Variants in ADAM32 observed in about 807,000 individuals in gnomAD.
ADAM32 encodes the protein disintegrin and metalloproteinase domain-containing protein 32.
ADAM32 carries 89 observed loss-of-function variants against 114.9 expected under a neutral mutation model. The observed-to-expected ratio is 0.77, with a 90% CI of 0.65 to 0.92. ADAM32 has a LOEUF of 0.92. Among genes scored for constraint, ADAM32 ranks in the 40% least tolerant of loss-of-function variants. ADAM32 has a pLI of 0.00. For synonymous variants in ADAM32, 285 were observed against 307.5 expected, an observed-to-expected ratio of 0.93 and a Z score of 0.77; for missense variants, 870 against 932.8, an observed-to-expected ratio of 0.93 and a Z score of 0.88.
rs531387087 is a variant in ADAM32, at chr8:39,156,353, C to T, written c.526-4544C>T. Among the ~76,000 whole-genome samples the T allele has an allele frequency of 1.7e-4, 26 of 152,288 alleles. No homozygotes were observed. The South Asian group carries it at 3.9e-3, about 23-fold the overall frequency. On this transcript the variant is annotated intron_variant, in intron 6 of 24. Coordinates refer to ENST00000379907, the MANE Select transcript of ADAM32 (RefSeq NM_145004.7). ...AGAGACTGGGTCTTCCTTTGTTGCC[C>T]AGGCTAGTCTCAAACTCCTGGACTC...
intron 13 of ADAM32, among the ~76,000 whole-genome samples, chr8:39,222,066 A>C (rs1401104386): frequency 6.6e-6 from 1 of 152,040 alleles, no homozygotes; most frequent in Non-Finnish European, 1.5e-5. Context: ...TGTGTAATTG[A>C]AAGATATAGC....
At chr8:39,236,362 C>A (rs965475190) in intron 16 of ADAM32, among the ~76,000 whole-genome samples, 20 of 151,996 alleles carry the variant, frequency 1.3e-4, no homozygotes, top group Admixed American at 1.3e-3. Context: ...CAGGGATAGT[C>A]TTGTTAGATT....
At chr8:39,119,199 T>G (rs1840498961) in intron 2 of ADAM32, among the ~76,000 whole-genome samples, 1 of 152,222 alleles carries the variant, frequency 6.6e-6, no homozygotes, top group Admixed American at 6.5e-5. Flanking sequence ...CATTCATGTA[T>G]GGACATATAT....
At chr8:39,157,495 A>G in intron 6 of ADAM32, 1 of 379,808 alleles carries the variant, frequency 2.6e-6, no homozygotes, top group Non-Finnish European at 5.0e-6. Flanking sequence ...GTGTCAGATA[A>G]CTTTTATTGA....
At chr8:39,126,706 G>A (rs10958536) in intron 2 of ADAM32, among the ~76,000 whole-genome samples, 151,799 of 152,320 alleles carry the variant, frequency 1, 75,643 homozygotes, top group Middle Eastern at 1. Flanking sequence ...TTCCAGTACT[G>A]TATTGAATAG....
intron 13 of ADAM32, 44 bp downstream of exon 13, chr8:39,221,746 C>G (rs368887007): frequency 4.8e-6 from 7 of 1,445,582 alleles, no homozygotes; most frequent in Non-Finnish European, 6.7e-6. Flanking sequence ...TATAACAAAT[C>G]ATGTGCAGGG....
At chr8:39,228,306 A>C (rs1809525320) in intron 14 of ADAM32, among the ~76,000 whole-genome samples, 1 of 152,228 alleles carries the variant, frequency 6.6e-6, no homozygotes, top group East Asian at 1.9e-4. Context: ...CTAGTTCACG[A>C]GCAATGGATT....
intron 14 of ADAM32, among the ~76,000 whole-genome samples, chr8:39,228,234 C>T (rs1157060129): frequency 6.6e-6 from 1 of 152,126 alleles, no homozygotes; most frequent in East Asian, 1.9e-4. Context: ...TGAGAAGGAA[C>T]CAGAAAACCA....
intron 12 of ADAM32, among the ~76,000 whole-genome samples, chr8:39,217,674 A>C (rs1386069372): frequency 6.6e-6 from 1 of 152,194 alleles, no homozygotes; most frequent in Admixed American, 6.5e-5. Flanking sequence ...TCAGTAGGTC[A>C]ATTGTGTCTT....
intron 17 of ADAM32, among the ~76,000 whole-genome samples, chr8:39,253,744 G>C (rs1158400336): frequency 6.6e-6 from 1 of 151,310 alleles, no homozygotes; most frequent in Non-Finnish European, 1.5e-5. Context: ...TGAAAACTAT[G>C]AAACATGAAA....
At chr8:39,175,501 C>G (rs1805468402) in intron 10 of ADAM32, among the ~76,000 whole-genome samples, 3 of 152,104 alleles carry the variant, frequency 2.0e-5, no homozygotes, top group African/African-American at 7.2e-5. Context: ...GTGTGTTGAA[C>G]CAACCTTGCA....
At chr8:39,152,651 G>A (rs905835781) in intron 6 of ADAM32, among the ~76,000 whole-genome samples, 4 of 151,498 alleles carry the variant, frequency 2.6e-5, no homozygotes, top group African/African-American at 9.7e-5. Flanking sequence ...AACCTGGGAG[G>A]TGGAGGTTGC....
chr8:39,272,832 A>G (rs1166387254), intron 20 of ADAM32, among the ~76,000 whole-genome samples: 1 of 152,220 alleles, frequency 6.6e-6, no homozygotes, highest in Non-Finnish European at 1.5e-5. Context: ...AAATTGATAC[A>G]CTTTTTAATT....
At chr8:39,186,536 A>G (rs1806257104) in intron 10 of ADAM32, among the ~76,000 whole-genome samples, 1 of 152,194 alleles carries the variant, frequency 6.6e-6, no homozygotes, top group Admixed American at 6.5e-5. Flanking sequence ...GGGAGATTAT[A>G]CGGATTATCC....
intron 11 of ADAM32, among the ~76,000 whole-genome samples, chr8:39,208,013 G>C (rs1317524518): frequency 1.3e-5 from 2 of 152,020 alleles, no homozygotes; most frequent in African/African-American, 4.8e-5. Context: ...TGGCTATTGT[G>C]AATAGTGCTG....
intron 2 of ADAM32, chr8:39,130,812 T>C (rs534527902): frequency 2.2e-6 from 1 of 451,780 alleles, no homozygotes; most frequent in Admixed American, 2.4e-5. Context: ...ATATGGTCAA[T>C]CATGAAGAAT....
intron 1 of ADAM32, among the ~76,000 whole-genome samples, chr8:39,113,309 G>C (rs562591997): frequency 6.6e-6 from 1 of 152,148 alleles, no homozygotes; most frequent in Non-Finnish European, 1.5e-5. Context: ...CAGTGCAGTG[G>C]GTACTGCAGG....
intron 12 of ADAM32, among the ~76,000 whole-genome samples, chr8:39,216,418 A>G (rs1250214693): frequency 6.6e-6 from 1 of 151,958 alleles, no homozygotes; most frequent in Admixed American, 6.6e-5. Context: ...TTATTGATAA[A>G]TAAGAACTTC....
chr8:39,107,860 G>A (rs1217621829), intron 1 of ADAM32, 27 bp downstream of exon 1: 18 of 1,512,536 alleles, frequency 1.2e-5, no homozygotes, highest in Non-Finnish European at 1.5e-5. Context: ...CCTGACACTA[G>A]TCCGGGCGCT....
Sources: allele counts gnomAD v4.1 joint callset (sites outside exome capture counted in the v4.1 genomes callset), GRCh38; gene constraint gnomAD v4.1.1; transcripts MANE v1.5; gene names NCBI Gene and HGNC (gene_info 2026-07-23, HGNC 2026-07-21).